Variants in RTL4 observed in about 807,000 individuals in gnomAD.
RTL4 encodes the protein retrotransposon Gag like 4.
In RTL4, 4 loss-of-function variants were observed where a neutral mutation model predicts 5.3. The observed-to-expected ratio is 0.75, with a 90% CI of 0.37 to 1.72. The LOEUF is 1.72. Ranked by LOEUF, RTL4 falls within the 40% of genes most tolerant of loss-of-function variation. RTL4 has a pLI of 0.04. For missense variants in RTL4, 260 were observed against 227.1 expected (o/e 1.14, Z -0.93); for synonymous variants, 98 against 87.3 (o/e 1.12, Z -0.68).
At chrX:112,353,454 C>G in the RTL4 span, among the ~76,000 whole-genome samples, 1 of 111,334 alleles carries the variant, frequency 9.0e-6, no homozygotes, top group South Asian at 3.8e-4. Context: ...CAACGATAGA[C>G]TGGATTAAGA....
chrX:112,097,551 G>A, the RTL4 span, among the ~76,000 whole-genome samples: 2 of 111,289 alleles, frequency 1.8e-5, no homozygotes, highest in African/African-American at 3.3e-5. Flanking sequence ...CAGGAGGATT[G>A]CTTGAGCCTG....
chrX:112,328,513 C>A, the RTL4 span, among the ~76,000 whole-genome samples: 5 of 111,370 alleles, frequency 4.5e-5, no homozygotes, highest in Non-Finnish European at 9.4e-5. Flanking sequence ...TAAAGCAAGT[C>A]CTGAGTGACC....
chrX:112,171,963 T>G, the RTL4 span, among the ~76,000 whole-genome samples: 1 of 112,358 alleles, frequency 8.9e-6, no homozygotes, highest in African/African-American at 3.2e-5. Context: ...TTTATCCATC[T>G]GACAAAGGTC....
chrX:112,141,873 T>C, the RTL4 span, among the ~76,000 whole-genome samples: 4 of 112,427 alleles, frequency 3.6e-5, no homozygotes, highest in African/African-American at 1.3e-4. Flanking sequence ...AGTTGATGTC[T>C]AATATCTTTA....
At chrX:112,173,122 C>T in the RTL4 span, among the ~76,000 whole-genome samples, 7 of 109,052 alleles carry the variant, frequency 6.4e-5, no homozygotes, top group Non-Finnish European at 1.3e-4. Flanking sequence ...ACCTATGTAA[C>T]AAATCAGCAC....
At chrX:112,343,150 A>G in the RTL4 span, among the ~76,000 whole-genome samples, 2 of 112,327 alleles carry the variant, frequency 1.8e-5, no homozygotes, top group East Asian at 2.8e-4. Context: ...TCATACTGCA[A>G]CTGAAGTGGT....
the RTL4 span, among the ~76,000 whole-genome samples, chrX:112,255,783 C>A: frequency 1.8e-5 from 2 of 111,866 alleles, no homozygotes; most frequent in East Asian, 2.8e-4. Flanking sequence ...CTTTTTGAAA[C>A]TAATCTTTCT....
At chrX:112,435,988 G>A in the RTL4 span, among the ~76,000 whole-genome samples, 3 of 111,562 alleles carry the variant, frequency 2.7e-5, no homozygotes, top group Admixed American at 9.5e-5. Context: ...AGGCCGAGGC[G>A]GGCAGATCAC....
chrX:112,377,274 A>G, the RTL4 span, among the ~76,000 whole-genome samples: 1 of 112,068 alleles, frequency 8.9e-6, no homozygotes, highest in African/African-American at 3.2e-5. Flanking sequence ...AACCCATCAT[A>G]AGTTGAAAAT....
At chrX:112,402,435 TG>T in the RTL4 span, among the ~76,000 whole-genome samples, 2 of 107,815 alleles carry the variant, frequency 1.9e-5, no homozygotes, top group African/African-American at 6.7e-5. Context: ...TGTGTGTGTG[TG>T]TGTGTGTGTA....
chrX:112,442,185 G>T, the RTL4 span, among the ~76,000 whole-genome samples: 1 of 110,997 alleles, frequency 9.0e-6, no homozygotes, highest in Non-Finnish European at 1.9e-5. Flanking sequence ...TCTTGAATGT[G>T]GTGTCGGTCA....
At chrX:112,297,991 A>C in the RTL4 span, among the ~76,000 whole-genome samples, 1 of 111,584 alleles carries the variant, frequency 9.0e-6, no homozygotes, top group African/African-American at 3.3e-5. Context: ...GAAACTGAAT[A>C]GGTGCCTAGA....
At chrX:112,347,265 T>A in the RTL4 span, among the ~76,000 whole-genome samples, 1 of 111,528 alleles carries the variant, frequency 9.0e-6, no homozygotes, top group Non-Finnish European at 1.9e-5. Context: ...ACCATCACTA[T>A]CATCATCAAG....
the RTL4 span, among the ~76,000 whole-genome samples, chrX:112,382,939 G>A: frequency 3.8e-3 from 426 of 111,842 alleles, no homozygotes; most frequent in Non-Finnish European, 6.3e-3. Flanking sequence ...TAGCATTGAG[G>A]TGACTGAATG....
the RTL4 span, among the ~76,000 whole-genome samples, chrX:112,157,098 G>GTGTT: frequency 1.8e-5 from 2 of 108,482 alleles, no homozygotes; most frequent in African/African-American, 6.8e-5. Flanking sequence ...GTGTGTGTGT[G>GTGTT]TGTTTCTGTG....
the RTL4 span, among the ~76,000 whole-genome samples, chrX:112,203,267 T>C: frequency 1.8e-5 from 2 of 111,769 alleles, no homozygotes; most frequent in Non-Finnish European, 1.9e-5. Context: ...TGGAGTCCAG[T>C]TTATCACATT....
chrX:112,198,536 T>C, the RTL4 span, among the ~76,000 whole-genome samples: 19 of 112,081 alleles, frequency 1.7e-4, no homozygotes, highest in East Asian at 5.4e-3. Flanking sequence ...TTACAAAAGA[T>C]GAGAGCTGCA....
At chrX:112,160,791 A>G in the RTL4 span, among the ~76,000 whole-genome samples, 6,830 of 110,242 alleles carry the variant, frequency 0.062, 242 homozygotes, top group African/African-American at 0.13. Context: ...GTATCTATGT[A>G]TGTTTTGTAT....
At chrX:112,141,320 T>C in the RTL4 span, among the ~76,000 whole-genome samples, 2 of 112,139 alleles carry the variant, frequency 1.8e-5, no homozygotes, top group Admixed American at 9.5e-5. Context: ...GTAGATTGAA[T>C]TGAATTTTCT....
Sources: allele counts gnomAD v4.1 joint callset (sites outside exome capture counted in the v4.1 genomes callset), GRCh38; gene constraint gnomAD v4.1.1; transcripts MANE v1.5; gene names NCBI Gene and HGNC (gene_info 2026-07-23, HGNC 2026-07-21).